Variants in TRAPPC9 observed in about 807,000 individuals in gnomAD.
TRAPPC9 encodes trafficking protein particle complex subunit 9.
A neutral mutation model predicts 124.0 loss-of-function variants in TRAPPC9; 83 were observed. The observed-to-expected ratio is 0.67, with a 90% CI of 0.56 to 0.80. The LOEUF (loss-of-function observed/expected upper bound fraction) is 0.80. TRAPPC9 is among the 30% of genes least tolerant of loss of function. The probability of loss-of-function intolerance (pLI) is 0.00; values close to 1 mark genes in which losing one functional copy is unlikely to be tolerated. For missense variants in TRAPPC9, 1,302 were observed against 1,508.3 expected (o/e 0.86, Z 2.27); for synonymous variants, 638 against 617.5 (o/e 1.03, Z -0.49).
chr8:140,092,710 T>G (rs144469246), intron 17 of TRAPPC9, among the ~76,000 whole-genome samples: 11 of 152,340 alleles, frequency 7.2e-5, no homozygotes, highest in African/African-American at 2.2e-4. Flanking sequence ...AAATGGATGA[T>G]GGAGAGAAAA....
chr8:139,992,702 TG>T (rs1486613360), intron 18 of TRAPPC9, among the ~76,000 whole-genome samples: 1 of 149,628 alleles, frequency 6.7e-6, no homozygotes, highest in Non-Finnish European at 1.5e-5. Context: ...CAGAGGCACT[TG>T]GGGCAGTGAC....
chr8:140,288,263 A>T (rs989207733), intron 12 of TRAPPC9, among the ~76,000 whole-genome samples: 1 of 152,166 alleles, frequency 6.6e-6, no homozygotes, highest in Non-Finnish European at 1.5e-5. Context: ...TGATCACCCG[A>T]GCCCAGGAGG....
At chr8:139,818,193 T>C (rs1824989501) in intron 21 of TRAPPC9, among the ~76,000 whole-genome samples, 9 of 152,206 alleles carry the variant, frequency 5.9e-5, no homozygotes, top group Admixed American at 5.9e-4. Context: ...ATGCATGCCC[T>C]GTCTCTAGGT....
chr8:139,925,296 G>A (rs977204966), intron 19 of TRAPPC9, among the ~76,000 whole-genome samples: 2 of 152,226 alleles, frequency 1.3e-5, no homozygotes, highest in Non-Finnish European at 2.9e-5. Context: ...TTTCTGCCCA[G>A]GAAAAGGGGT....
At chr8:140,458,195 A>G (rs1439197536), upstream of TRAPPC9, 7 of 1,549,586 alleles carry the variant, frequency 4.5e-6, no homozygotes, top group Admixed American at 9.8e-5. Flanking sequence ...GAGGGACCGG[A>G]GCAAGAGAAC....
chr8:140,381,742 A>G (rs1025726330), intron 7 of TRAPPC9, among the ~76,000 whole-genome samples: 7 of 152,002 alleles, frequency 4.6e-5, no homozygotes, highest in Non-Finnish European at 1.0e-4. Flanking sequence ...AATGTAAATC[A>G]AAACCAAAAT....
At chr8:139,880,626 A>C (rs945302265) in intron 21 of TRAPPC9, among the ~76,000 whole-genome samples, 4 of 152,222 alleles carry the variant, frequency 2.6e-5, no homozygotes, top group Non-Finnish European at 4.4e-5. Flanking sequence ...ATCGAGAGTC[A>C]CGTGCCCATG....
intron 15 of TRAPPC9, among the ~76,000 whole-genome samples, chr8:140,258,743 G>A (rs1306725912): frequency 1.3e-5 from 2 of 152,242 alleles, no homozygotes; most frequent in African/African-American, 4.8e-5. Context: ...GGATAAGAGA[G>A]GCCAGGCCAC....
chr8:139,739,017 G>A (rs1818386237), intron 21 of TRAPPC9, among the ~76,000 whole-genome samples: 2 of 152,138 alleles, frequency 1.3e-5, no homozygotes, highest in East Asian at 1.9e-4. Flanking sequence ...AACCCAACGC[G>A]CCCCAGGCTA....
chr8:139,949,876 G>A (rs556531024), intron 19 of TRAPPC9, among the ~76,000 whole-genome samples: 1 of 152,282 alleles, frequency 6.6e-6, no homozygotes, highest in East Asian at 1.9e-4. Context: ...GAGTTAACGA[G>A]CTGTAAATAG....
chr8:140,324,622 T>G (rs1430440432), intron 9 of TRAPPC9, among the ~76,000 whole-genome samples: 3 of 151,816 alleles, frequency 2.0e-5, no homozygotes, highest in Admixed American at 2.0e-4. Flanking sequence ...ATAAGAAAAT[T>G]AGGCGGGCAT....
At chr8:140,091,191 T>C (rs1380696105) in intron 17 of TRAPPC9, among the ~76,000 whole-genome samples, 4 of 152,192 alleles carry the variant, frequency 2.6e-5, no homozygotes, top group African/African-American at 4.8e-5. Context: ...CCTGGCCCCA[T>C]GCATGTCGCT....
At chr8:140,360,952 G>C (rs1416463264) in intron 8 of TRAPPC9, among the ~76,000 whole-genome samples, 2 of 152,064 alleles carry the variant, frequency 1.3e-5, no homozygotes, top group Non-Finnish European at 2.9e-5. Context: ...GCCCAGGCTG[G>C]TCTTGAACTC....
intron 21 of TRAPPC9, among the ~76,000 whole-genome samples, chr8:139,827,365 T>C (rs919110788): frequency 5.9e-5 from 9 of 152,190 alleles, no homozygotes; most frequent in African/African-American, 1.2e-4. Context: ...GGCTGAGCCA[T>C]GGCTGATCCC....
rs528175891 is a variant in TRAPPC9, at chr8:140,229,251, C to CT, written c.2432-7669dup. On this transcript the variant is annotated intron_variant, in intron 16 of 22. Coordinates refer to ENST00000438773, the MANE Select transcript of TRAPPC9 (RefSeq NM_001160372.4). Reference sequence around the variant, plus strand: ...AGTCAATTCCGTATGTTTTCTTTTTCTTTTTTTTTTTTTTTTTTTTTTTTT... The same window carrying CT: ...AGTCAATTCCGTATGTTTTCTTTTTCTTTTTTTTTTTTTTTTTTTTTTTTTT... Among the ~76,000 whole-genome samples, 473 of 99,682 alleles carry CT rather than the reference C, an allele frequency of 4.7e-3. 28 individuals carry two copies. Among genetic ancestry groups the CT allele is most frequent in the African/African-American group, 0.012 (262 of 21,678 alleles). The allele number at this position is 99,682 out of a possible 152,430, so 65.4% of individuals were successfully genotyped here.
chr8:140,178,611 G>A (rs1273912991), intron 17 of TRAPPC9, among the ~76,000 whole-genome samples: 1 of 152,026 alleles, frequency 6.6e-6, no homozygotes, highest in Non-Finnish European at 1.5e-5. Flanking sequence ...CTCTGATGTT[G>A]GTGTCAGGAT....
At chr8:140,349,220 GA>G (rs1237890786) in intron 9 of TRAPPC9, among the ~76,000 whole-genome samples, 14 of 87,972 alleles carry the variant, frequency 1.6e-4, no homozygotes, top group Admixed American at 2.2e-4. Flanking sequence ...GAAGGGCACA[GA>G]AGGGGGCCGA....
At chr8:140,168,701 A>G (rs539709333) in intron 17 of TRAPPC9, among the ~76,000 whole-genome samples, 167 of 152,274 alleles carry the variant, frequency 1.1e-3, no homozygotes, top group Non-Finnish European at 1.7e-3. Context: ...GAGGGCCAGG[A>G]GAGGTGGTGC....
intron 17 of TRAPPC9, among the ~76,000 whole-genome samples, chr8:140,150,850 T>TTTTG (rs71520254): frequency 0.25 from 37,489 of 151,972 alleles, 4,848 homozygotes; most frequent in African/African-American, 0.29. Context: ...TGCAGCTTGT[T>TTTTG]TTTGTTTTTC....
Sources: allele counts gnomAD v4.1 joint callset (sites outside exome capture counted in the v4.1 genomes callset), GRCh38; gene constraint gnomAD v4.1.1; transcripts MANE v1.5; gene names NCBI Gene and HGNC (gene_info 2026-07-23, HGNC 2026-07-21).